KCNJ15: variants seen among roughly 807,000 people sequenced by gnomAD.
KCNJ15 encodes the protein ATP-sensitive inward rectifier potassium channel 15.
Under a neutral mutation model 23.0 loss-of-function variants are expected in KCNJ15, and 14 were observed. The observed-to-expected ratio is 0.61, with a 90% CI of 0.40 to 0.95. KCNJ15 has a LOEUF of 0.95. Among genes scored for constraint, KCNJ15 ranks in the 40% least tolerant of loss-of-function variants. KCNJ15 has a pLI of 0.00. For missense variants in KCNJ15, 388 were observed against 461.8 expected (o/e 0.84, Z 1.46); for synonymous variants, 185 against 183.2 (o/e 1.01, Z -0.08).
At chr21:38,247,709 G>A (rs1429254434) in intron 1 of KCNJ15, among the ~76,000 whole-genome samples, 1 of 152,208 alleles carries the variant, frequency 6.6e-6, no homozygotes, top group African/African-American at 2.4e-5. Context: ...CCACATGTAA[G>A]GTTAGCCTTA....
intron 1 of KCNJ15, among the ~76,000 whole-genome samples, chr21:38,294,595 G>C (rs952626848): frequency 3.9e-5 from 6 of 152,166 alleles, no homozygotes; most frequent in African/African-American, 1.4e-4. Flanking sequence ...GCCTAACAGA[G>C]CTCTAAGTTT....
intron 1 of KCNJ15, among the ~76,000 whole-genome samples, chr21:38,233,121 T>C (rs941062030): frequency 4.6e-5 from 7 of 152,062 alleles, no homozygotes; most frequent in African/African-American, 1.7e-4. Flanking sequence ...TTATGTATTT[T>C]GGGACACTGT....
chr21:38,275,597 A>G (rs1375312558), intron 1 of KCNJ15, among the ~76,000 whole-genome samples: 1 of 151,970 alleles, frequency 6.6e-6, no homozygotes, highest in Non-Finnish European at 1.5e-5. Flanking sequence ...CCTTTTTAAA[A>G]GAGCAGAGCT....
At chr21:38,242,806 G>A (rs923463159) in intron 1 of KCNJ15, among the ~76,000 whole-genome samples, 27 of 152,102 alleles carry the variant, frequency 1.8e-4, no homozygotes, top group African/African-American at 6.0e-4. Context: ...CAAACTATTT[G>A]TATGCTCACT....
chr21:38,276,738 T>G (rs539609442), intron 1 of KCNJ15, among the ~76,000 whole-genome samples: 60 of 152,318 alleles, frequency 3.9e-4, no homozygotes, highest in African/African-American at 1.4e-3. Context: ...AATTATATTT[T>G]AGAATATATT....
In KCNJ15 at chr21:38,260,308, C is replaced by T. The variant is rs146432414; in HGVS notation, c.-117+3123C>T. Among the ~76,000 whole-genome samples the T allele has an allele frequency of 8.5e-5, 13 of 152,300 alleles. No homozygotes were observed. The East Asian group carries it at 2.1e-3, about 25-fold the overall frequency. On this transcript the variant is annotated intron_variant, in intron 1 of 2. Coordinates refer to ENST00000398938, the MANE Select transcript of KCNJ15 (RefSeq NM_170736.3). ...TGATAGTAGGGGGATCTCCACTCATCGTAATGCAGCTGGAATACACATAGT... is the reference window on the plus strand; with the variant it reads ...TGATAGTAGGGGGATCTCCACTCATTGTAATGCAGCTGGAATACACATAGT...
Position 38,300,140 on chromosome 21 carries a change from C to T in KCNJ15, c.879C>T (p.Val293=). The T allele has an allele frequency of 6.2e-7, 1 of 1,614,204 alleles. No homozygotes were observed. The highest frequency in any genetic ancestry group is 8.5e-7 in the Non-Finnish European group (1 of 1,180,046). The change falls in exon 3 of 3, where the codon GTC becomes GTT. Residue 293 remains valine (V), a synonymous_variant. Coordinates refer to ENST00000398938, the MANE Select transcript of KCNJ15 (RefSeq NM_170736.3). ...CCACTGTGGAATCCACCAGCGCTGT[C>T]TGCCAGAGCCGAACATCTTATATCC... ...LNATVESTSA[V]CQSRTSYIPE...
rs150357569 is a variant in KCNJ15, at chr21:38,301,002, A to G, written c.*613A>G. ...GAAATTGATCAGATCTGTAATTCACAACTGTGGAAACCTACACAAATGGGG... is the reference window on the plus strand; with the variant it reads ...GAAATTGATCAGATCTGTAATTCACGACTGTGGAAACCTACACAAATGGGG... On this transcript the variant is annotated 3_prime_UTR_variant, in exon 3 of 3. Coordinates refer to ENST00000398938, the MANE Select transcript of KCNJ15 (RefSeq NM_170736.3). 2.8e-3 allele frequency: 469 copies of G among 167,182 alleles called. 1 individual carries two copies. Among genetic ancestry groups the G allele is most frequent in the Non-Finnish European group, 5.0e-3 (338 of 68,124 alleles). The allele number at this position is 167,182 out of a possible 1,614,324, so 10.4% of individuals were successfully genotyped here. A position where few individuals can be genotyped will look rare whatever the true frequency, so the allele number is the denominator to read the frequency against.
At chr21:38,273,855 T>G (rs1489088941) in intron 1 of KCNJ15, among the ~76,000 whole-genome samples, 1 of 152,196 alleles carries the variant, frequency 6.6e-6, no homozygotes, top group Non-Finnish European at 1.5e-5. Context: ...ACCCTCTCAT[T>G]TTACAGATGA....
Position 38,305,514 on chromosome 21 carries a change from A to G in KCNJ15, c.*5125A>G, listed in dbSNP as rs1197842916. On this transcript the variant is annotated 3_prime_UTR_variant, in exon 3 of 3. Coordinates refer to ENST00000398938, the MANE Select transcript of KCNJ15 (RefSeq NM_170736.3). ...CACGAGTATAAAAGCCAACGATGTC[A>G]TATATGTAGGCAAAGTCTTTGTAAT... The G allele has an allele frequency of 6.6e-6, 1 of 152,256 alleles. No homozygotes were observed. Among genetic ancestry groups the G allele is most frequent in the East Asian group, 1.9e-4 (1 of 5,206 alleles). 9.4% of individuals were successfully genotyped at this position (152,256 alleles called of 1,614,324 possible).
intron 1 of KCNJ15, among the ~76,000 whole-genome samples, chr21:38,273,535 A>G (rs1175962162): frequency 1.3e-5 from 2 of 152,210 alleles, no homozygotes; most frequent in Non-Finnish European, 2.9e-5. Context: ...GTCTATTTCC[A>G]TGTCCTGTCA....
chr21:38,263,549 G>A (rs1470163716), intron 1 of KCNJ15, among the ~76,000 whole-genome samples: 1 of 152,172 alleles, frequency 6.6e-6, no homozygotes, highest in Non-Finnish European at 1.5e-5. Flanking sequence ...TTGAATCCAA[G>A]TTGTACATCC....
intron 1 of KCNJ15, among the ~76,000 whole-genome samples, chr21:38,288,026 C>CTCTTTTTTTTTTTTTTTTTT (rs1984109386): frequency 1.3e-5 from 1 of 78,170 alleles, no homozygotes. Flanking sequence ...TTGTTTTTTT[C>CTCTTTTTTTTTTTTTTTTTT]TTTGTTTTTT....
At chr21:38,276,173 CT>C (rs1982670977) in intron 1 of KCNJ15, among the ~76,000 whole-genome samples, 1 of 151,854 alleles carries the variant, frequency 6.6e-6, no homozygotes, top group Admixed American at 6.6e-5. Flanking sequence ...TATATGTCAT[CT>C]CTTATATCAA....
At chr21:38,254,550 G>A (rs1980056672), upstream of KCNJ15, among the ~76,000 whole-genome samples, 1 of 152,152 alleles carries the variant, frequency 6.6e-6, no homozygotes, top group African/African-American at 2.4e-5. Context: ...TTAAACTGTG[G>A]TTAAAATTCA....
In KCNJ15 at chr21:38,299,097, T is replaced by C; in HGVS notation, c.-18-147T>C. 1 of 674,586 alleles carries C rather than the reference T, an allele frequency of 1.5e-6. No homozygotes were observed. The highest frequency in any genetic ancestry group is 2.9e-5 in the Admixed American group (1 of 34,332). The allele number at this position is 674,586 out of a possible 1,614,324, so 41.8% of individuals were successfully genotyped here. The stretch of plus-strand genomic sequence containing the variant: ...TCCTCACTCTACCCTACCGACCACC[T>C]AAGTATAGATCAGTTAATCTTGCCT... On this transcript the variant is annotated intron_variant, in intron 2 of 2. Transcript: ENST00000398938. The surrounding 1 kb of genome is among the most constrained non-coding windows in gnomAD (Gnocchi z 4.5).
rs115544791 is a variant in KCNJ15, at chr21:38,300,616, A to G, written c.*227A>G. On this transcript the variant is annotated 3_prime_UTR_variant, in exon 3 of 3. Transcript: ENST00000398938. ...CTGAAAGTGAACTCTCATAATTCAA[A>G]TTGTATAAAATAAAGCTACATTTCT... is the stretch of plus-strand genomic sequence containing the variant. 5.4e-3 allele frequency: 2,654 copies of G among 495,240 alleles called. 51 individuals are homozygous for G. The highest frequency in any genetic ancestry group is 0.046 in the African/African-American group (2,346 of 50,882). 30.7% of individuals were successfully genotyped at this position (495,240 alleles called of 1,614,324 possible). A position where few individuals can be genotyped will look rare whatever the true frequency, so the allele number is the denominator to read the frequency against.
chr21:38,233,191 AT>A (rs1299743918), intron 1 of KCNJ15, among the ~76,000 whole-genome samples: 1 of 151,918 alleles, frequency 6.6e-6, no homozygotes, highest in African/African-American at 2.4e-5. Flanking sequence ...CCCTTTTATC[AT>A]TATTATGTGT....
At chr21:38,231,181 T>C (rs1028684193) in intron 1 of KCNJ15, among the ~76,000 whole-genome samples, 1 of 152,060 alleles carries the variant, frequency 6.6e-6, no homozygotes, top group Non-Finnish European at 1.5e-5. Context: ...ATTAAATTTG[T>C]TCCCAAGTAT....
Sources: gnomAD v4.1 joint callset for allele counts (sites outside exome capture counted in the v4.1 genomes callset) on GRCh38, gnomAD v4.1.1 for gene constraint, Gnocchi (gnomAD v3.1) non-coding constraint, MANE v1.5 for transcripts, NCBI Gene and HGNC (gene_info 2026-07-23, HGNC 2026-07-21) for gene names.